Variants in CWH43 observed in about 807,000 individuals in gnomAD.
CWH43 encodes the protein PGAP2-interacting protein.
A neutral mutation model predicts 85.7 loss-of-function variants in CWH43; 91 were observed. That is an observed-to-expected ratio of 1.06 (90% confidence interval 0.90 to 1.26). CWH43 has a LOEUF of 1.26. Among genes scored for constraint, CWH43 ranks in the 50% most tolerant of loss-of-function variants. The probability of loss-of-function intolerance (pLI) is 0.00; values close to 1 mark genes in which losing one functional copy is unlikely to be tolerated. For synonymous variants in CWH43, 323 were observed against 293.6 expected (o/e 1.10, Z -1.02); for missense variants, 869 against 839.2 (o/e 1.04, Z -0.44).
chr4:48,989,494 G>A lies in CWH43; in HGVS notation c.235+826G>A, dbSNP rs76300689. Among the ~76,000 whole-genome samples, 877 of 152,330 alleles carry A rather than the reference G, an allele frequency of 5.8e-3. 12 individuals carry two copies. Among genetic ancestry groups the A allele is most frequent in the African/African-American group, 0.02 (851 of 41,574 alleles). The stretch of plus-strand genomic sequence containing the variant: ...AATATATCCTACAGATATACTCACA[G>A]TCATGCGTTGCTTAGTGACATTTCA... On this transcript the variant is annotated intron_variant, in intron 2 of 15. Transcript: ENST00000226432.
intron 12 of CWH43, among the ~76,000 whole-genome samples, chr4:49,034,120 A>G (rs1447032264): frequency 6.6e-6 from 1 of 152,176 alleles, no homozygotes; most frequent in African/African-American, 2.4e-5. Context: ...CTCCTTAGAA[A>G]TAAGAAGAGT....
At chr4:49,017,227 A>G (rs765839486) in intron 8 of CWH43, 22 bp from the exon 9 acceptor site, 2 of 1,586,352 alleles carry the variant, frequency 1.3e-6, no homozygotes, top group South Asian at 2.3e-5. Context: ...AAAAAACCCA[A>G]TTATTTCTTT....
intron 5 of CWH43, 73 bp downstream of exon 5, chr4:48,994,893 C>A: frequency 8.3e-7 from 1 of 1,206,156 alleles, no homozygotes; most frequent in Non-Finnish European, 1.2e-6. Context: ...CTTTGTCAGA[C>A]AGCTAGGTCT....
chr4:49,020,384 T>C (rs1156930659), intron 9 of CWH43, among the ~76,000 whole-genome samples: 2 of 120,170 alleles, frequency 1.7e-5, no homozygotes, highest in South Asian at 2.9e-4. Context: ...AGTATTCCAT[T>C]ACACACACAC....
chr4:48,991,593 G>A lies in CWH43; in HGVS notation c.356+19G>A, dbSNP rs41265729. 26,903 of 1,613,146 alleles carry A rather than the reference G, an allele frequency of 0.017. 279 individuals are homozygous for A. Among genetic ancestry groups the A allele is most frequent in the Non-Finnish European group, 0.019 (22,190 of 1,179,618 alleles). On this transcript the variant is annotated intron_variant, in intron 3 of 15. Coordinates refer to ENST00000226432, the MANE Select transcript of CWH43 (RefSeq NM_025087.3). The stretch of plus-strand genomic sequence containing the variant: ...TGCAAAGGTATGGTTAATGTTTCAT[G>A]TACTTATAGACAAACAAGTATAACC...
At position 49,003,530 on chromosome 4, in the gene CWH43, T is replaced by A. The variant is rs77112652; in HGVS notation, c.803-205T>A. 424 of 537,238 alleles carry A rather than the reference T, an allele frequency of 7.9e-4. 6 individuals are homozygous for A. The East Asian group carries it at 0.011, about 14-fold the overall frequency. The allele number at this position is 537,238 out of a possible 1,614,324, so 33.3% of individuals were successfully genotyped here. A position where few individuals can be genotyped will look rare whatever the true frequency, so the allele number is the denominator to read the frequency against. On this transcript the variant is annotated intron_variant, in intron 6 of 15. Coordinates refer to ENST00000226432, the MANE Select transcript of CWH43 (RefSeq NM_025087.3). ...TAGCAGTGAACTGAGATTTACTAGA[T>A]CCACATTCTACCTCCAGTTGAGACA...
In CWH43 at chr4:49,030,942, C is replaced by A. The variant is rs983779713; in HGVS notation, c.1490C>A (p.Thr497Lys). Reference protein sequence around the residue: ...LGFYTDFGPSTRYHTWGIMAL... With the variant: ...LGFYTDFGPSKRYHTWGIMAL... ...TTCTATACAGACTTTGGTCCAAGCA[C>A]AAGGTATCACACTTGGGGGTGAGTA... is the stretch of plus-strand genomic sequence containing the variant. The change falls in exon 11 of 16, where the codon ACA (threonine) becomes AAA (lysine). Residue 497 changes from threonine to lysine, a missense_variant. Thr to Lys is a moderately conservative substitution (Grantham distance 78). Coordinates refer to ENST00000226432, the MANE Select transcript of CWH43 (RefSeq NM_025087.3). The A allele has an allele frequency of 3.8e-6, 6 of 1,599,594 alleles. No individual in the cohort carries two copies. In the African/African-American group the frequency reaches 8.1e-5, roughly 22 times the overall value.
intron 14 of CWH43, among the ~76,000 whole-genome samples, chr4:49,049,007 A>C (rs1337126516): frequency 6.6e-6 from 1 of 152,140 alleles, no homozygotes; most frequent in Non-Finnish European, 1.5e-5. Context: ...CTCTGTTTTA[A>C]TGGAAGATTT....
intron 9 of CWH43, among the ~76,000 whole-genome samples, chr4:49,026,789 C>T (rs913355895): frequency 5.9e-5 from 9 of 152,068 alleles, no homozygotes; most frequent in South Asian, 2.1e-4. Context: ...AGTCATTGGT[C>T]GATGGGCACT....
At chr4:48,994,432 TTA>T (rs1273671372) in intron 4 of CWH43, among the ~76,000 whole-genome samples, 185 bp from the exon 5 acceptor site, 1 of 152,236 alleles carries the variant, frequency 6.6e-6, no homozygotes, top group Non-Finnish European at 1.5e-5. Flanking sequence ...CTGCATGGAA[TTA>T]TGTCTCCCAC....
At chr4:49,037,923 T>C (rs751230780) in intron 12 of CWH43, 113 bp from the exon 13 acceptor site, 2 of 809,668 alleles carry the variant, frequency 2.5e-6, no homozygotes, top group Non-Finnish European at 3.9e-6. Flanking sequence ...CGAGTAGGAA[T>C]GACTCTGGGC....
chr4:49,045,039 A>C (rs1451708101), intron 14 of CWH43, among the ~76,000 whole-genome samples, 192 bp downstream of exon 14: 8 of 152,198 alleles, frequency 5.3e-5, no homozygotes, highest in African/African-American at 1.9e-4. Flanking sequence ...CATAATTTAC[A>C]AAAGTAGAAA....
intron 2 of CWH43, among the ~76,000 whole-genome samples, chr4:48,989,126 T>G (rs1023625476): frequency 6.6e-6 from 1 of 152,166 alleles, no homozygotes; most frequent in African/African-American, 2.4e-5. Flanking sequence ...CTCTTATATA[T>G]AGAGTTCCTA....
At chr4:49,045,362 C>T (rs866184916) in intron 14 of CWH43, among the ~76,000 whole-genome samples, 9 of 152,186 alleles carry the variant, frequency 5.9e-5, no homozygotes, top group Non-Finnish European at 7.4e-5. Context: ...CACATACATG[C>T]GTATGTGTGT....
chr4:49,049,756 T>G (rs546350152), intron 14 of CWH43, among the ~76,000 whole-genome samples: 57 of 152,252 alleles, frequency 3.7e-4, no homozygotes, highest in African/African-American at 1.2e-3. Context: ...CTCCCTTCGT[T>G]GAATTTTTTG....
At chr4:48,991,334 T>C in intron 2 of CWH43, 120 bp from the exon 3 acceptor site, 1 of 967,600 alleles carries the variant, frequency 1.0e-6, no homozygotes, top group Non-Finnish European at 1.5e-6. Context: ...TATAAAATTA[T>C]ACATCAACTC....
chr4:49,036,911 T>G (rs1294796791), intron 12 of CWH43, among the ~76,000 whole-genome samples: 1 of 152,148 alleles, frequency 6.6e-6, no homozygotes, highest in Non-Finnish European at 1.5e-5. Context: ...TTGCTACATC[T>G]CCCACTAGTC....
intron 9 of CWH43, among the ~76,000 whole-genome samples, chr4:49,017,695 G>A (rs1783600941): frequency 6.6e-6 from 1 of 152,166 alleles, no homozygotes. Context: ...TGGTTCTACA[G>A]GCTGTTCAGA....
intron 15 of CWH43, among the ~76,000 whole-genome samples, chr4:49,055,610 A>C (rs559986054): frequency 3.1e-4 from 45 of 144,868 alleles, no homozygotes; most frequent in Non-Finnish European, 5.8e-4. Context: ...TTTTTTTGAG[A>C]TAGAGTCTCA....
Sources: allele counts gnomAD v4.1 joint callset (sites outside exome capture counted in the v4.1 genomes callset), GRCh38; gene constraint gnomAD v4.1.1; transcripts MANE v1.5; gene names NCBI Gene and HGNC (gene_info 2026-07-23, HGNC 2026-07-21).